LRRC71: variants seen among roughly 807,000 people sequenced by gnomAD.
The protein encoded by LRRC71 is leucine-rich repeat-containing protein 71.
LRRC71 carries 54 observed loss-of-function variants against 66.6 expected under a neutral mutation model. The ratio of observed to expected loss-of-function variants is 0.81; its 90% CI spans 0.65 to 1.02. The LOEUF (loss-of-function observed/expected upper bound fraction) is 1.02, where lower values mean the gene tolerates loss of function less well. Among genes scored for constraint, LRRC71 ranks in the 50% least tolerant of loss-of-function variants. The pLI is 0.00. For synonymous variants in LRRC71, 323 were observed against 303.9 expected, an observed-to-expected ratio of 1.06 and a Z score of -0.65; for missense variants, 724 against 718.0, an observed-to-expected ratio of 1.01 and a Z score of -0.10.
intron 14 of LRRC71, 47 bp from the exon 15 acceptor site, chr1:156,932,806 T>A (rs1362306446): frequency 3.8e-6 from 5 of 1,321,836 alleles, no homozygotes; most frequent in South Asian, 1.2e-5. Flanking sequence ...GCCAGAGGAC[T>A]AATCTTCATT....
At position 156,924,107 on chromosome 1, in the gene LRRC71, CAG is replaced by C. The variant is rs1558166704; in HGVS notation, c.310+10_310+11del. The stretch of plus-strand genomic sequence containing the variant: ...GGAAAAGGCCACCTTAGGTGAGTGA[CAG>C]TGGAGCTCCCCGGTGCCTGCCAGGG... On this transcript the variant is annotated intron_variant, in intron 2 of 14. Transcript: ENST00000337428. 3 of 1,548,308 alleles carry C rather than the reference CAG, an allele frequency of 1.9e-6. No individual in the cohort carries two copies. The East Asian group carries it at 7.4e-5, about 38-fold the overall frequency.
At chr1:156,928,771 A>T (rs747979897) in intron 9 of LRRC71, among the ~76,000 whole-genome samples, 1 of 151,572 alleles carries the variant, frequency 6.6e-6, no homozygotes, top group Non-Finnish European at 1.5e-5. Context: ...GGGTTTCGCT[A>T]TGTTGACCAG....
chr1:156,924,638 C>A lies in LRRC71; in HGVS notation c.440-5C>A. 1 of 1,551,698 alleles carries A rather than the reference C, an allele frequency of 6.4e-7. No homozygotes were observed. ...CTGAGGCACCTGCCTCCTCTTGGCC[C>A]GCAGGTTGGAAGGTTGAGGAACGGA... is the stretch of plus-strand genomic sequence containing the variant. On this transcript the variant is annotated splice_polypyrimidine_tract_variant and splice_region_variant and intron_variant, in intron 3 of 14. Coordinates refer to ENST00000337428, the MANE Select transcript of LRRC71 (RefSeq NM_144702.3).
chr1:156,928,572 T>C (rs1359891700), intron 9 of LRRC71, among the ~76,000 whole-genome samples: 1 of 138,086 alleles, frequency 7.2e-6, no homozygotes, highest in African/African-American at 2.7e-5. Context: ...ACTTTTTTTT[T>C]TTTTTTTTTT....
downstream of LRRC71, chr1:156,933,159 C>T (rs1264690703): frequency 5.7e-6 from 3 of 530,734 alleles, no homozygotes; most frequent in African/African-American, 5.8e-5. Context: ...GTCCATGTTA[C>T]ATGCCAGGAA....
chr1:156,927,391 A>G, intron 6 of LRRC71, 105 bp from the exon 7 acceptor site: 1 of 1,519,886 alleles, frequency 6.6e-7, no homozygotes, highest in Admixed American at 1.8e-5. Context: ...TTCTGCCCCT[A>G]CATCCTCAGA....
intron 12 of LRRC71, 107 bp downstream of exon 12, chr1:156,930,724 C>CTG: frequency 9.6e-7 from 1 of 1,037,190 alleles, no homozygotes; most frequent in Non-Finnish European, 1.4e-6. Context: ...CAGCCCCATG[C>CTG]TGTGGCAGCA....
At chr1:156,937,674 G>T (rs543232304), downstream of LRRC71, among the ~76,000 whole-genome samples, 10 of 152,150 alleles carry the variant, frequency 6.6e-5, no homozygotes, top group African/African-American at 2.4e-4. Context: ...CCCTGCTCCC[G>T]AGACCTTCTA....
the LRRC71 span, chr1:156,940,099 C>G: frequency 7.0e-7 from 1 of 1,424,582 alleles, no homozygotes; most frequent in Non-Finnish European, 9.4e-7. Context: ...TCTCCTCAAG[C>G]ACACCAGGAA....
chr1:156,931,819 C>T (rs1020180188), intron 12 of LRRC71, 97 bp from the exon 13 acceptor site: 21 of 950,002 alleles, frequency 2.2e-5, no homozygotes, highest in Middle Eastern at 2.1e-4. Flanking sequence ...GGACTATAGC[C>T]GGCAGTCAAA....
downstream of LRRC71, among the ~76,000 whole-genome samples, chr1:156,933,383 A>G (rs897643554): frequency 6.6e-6 from 1 of 152,214 alleles, no homozygotes; most frequent in Non-Finnish European, 1.5e-5. Context: ...ACTGACACAC[A>G]TAAGCTTGGG....
In LRRC71 at chr1:156,924,094, C is replaced by T; in HGVS notation, c.306C>T (p.Thr102=). 5 of 1,549,310 alleles carry T rather than the reference C, an allele frequency of 3.2e-6. No homozygotes were observed. Among genetic ancestry groups the T allele is most frequent in the Non-Finnish European group, 4.4e-6 (5 of 1,146,664 alleles). The part of the protein sequence containing the change: ...VPSASLSEKA[T]LDDPRLSGSC... ...CCGCCTCTTTGTCGGAAAAGGCCAC[C>T]TTAGGTGAGTGACAGTGGAGCTCCC... The change falls in exon 2 of 15, where the codon ACC becomes ACT. Residue 102 remains threonine, a synonymous_variant. Transcript: ENST00000337428.
the LRRC71 span, chr1:156,939,847 GC>G: frequency 6.2e-7 from 1 of 1,612,246 alleles, no homozygotes; most frequent in Non-Finnish European, 8.5e-7. Context: ...CTCCTGGGCA[GC>G]CTGAGTTTCC....
intron 9 of LRRC71, among the ~76,000 whole-genome samples, chr1:156,928,549 C>T: frequency 6.3e-5 from 8 of 127,908 alleles, no homozygotes; most frequent in East Asian, 2.2e-4. Context: ...TTCCTTTCTT[C>T]TTTCTTCTTC....
downstream of LRRC71, chr1:156,936,942 T>G (rs769011895): frequency 6.2e-7 from 1 of 1,614,002 alleles, no homozygotes; most frequent in East Asian, 2.2e-5. Flanking sequence ...CCCACAGGCG[T>G]GGTGCCACCA....
chr1:156,929,169 G>A, intron 9 of LRRC71, 111 bp from the exon 10 acceptor site: 5 of 1,282,744 alleles, frequency 3.9e-6, no homozygotes, highest in Non-Finnish European at 5.3e-6. Flanking sequence ...GTGGGTGGGA[G>A]GGTGCTGTCA....
downstream of LRRC71, chr1:156,936,736 A>G: frequency 6.9e-7 from 1 of 1,458,090 alleles, no homozygotes; most frequent in Non-Finnish European, 9.3e-7. Flanking sequence ...ACCATCTCTC[A>G]CTGCTTAGTG....
chr1:156,936,497 A>ACATAT (rs1553192805), downstream of LRRC71, among the ~76,000 whole-genome samples: 17 of 33,940 alleles, frequency 5.0e-4, 1 homozygote, highest in South Asian at 0.028. Context: ...AAAAAAAAAA[A>ACATAT]ATATATATAT....
Position 156,924,468 on chromosome 1 carries a change from A to G in LRRC71, c.355A>G (p.Ser119Gly). The change falls in exon 3 of 15, where the codon AGC (serine) becomes GGC (glycine). Residue 119 changes from serine (S) to glycine (G), a missense_variant. Transcript: ENST00000337428. ...SGSCSLNSLE[S>G]KYVFFRPTIQ... ...GTCCTGCAGCCTCAATAGCCTGGAGAGCAAATACGTGTTCTTCCGGCCCAC... is the reference window on the plus strand; with the variant it reads ...GTCCTGCAGCCTCAATAGCCTGGAGGGCAAATACGTGTTCTTCCGGCCCAC... 6.4e-7 allele frequency: 1 copy of G among 1,551,178 alleles called. No homozygotes were observed. The highest frequency in any genetic ancestry group is 8.7e-7 in the Non-Finnish European group (1 of 1,146,946).
Sources: allele counts gnomAD v4.1 joint callset (sites outside exome capture counted in the v4.1 genomes callset), GRCh38; gene constraint gnomAD v4.1.1; transcripts MANE v1.5; gene names NCBI Gene and HGNC (gene_info 2026-07-23, HGNC 2026-07-21).